Variants in SEMA5A observed in about 807,000 individuals in gnomAD.
The protein encoded by SEMA5A is semaphorin 5A, also known as semaphorin-5A.
In SEMA5A, 55 loss-of-function variants were observed where a neutral mutation model predicts 135.5. The observed-to-expected ratio is 0.41, with a 90% CI of 0.33 to 0.51. The LOEUF (loss-of-function observed/expected upper bound fraction) is 0.51. Among genes scored for constraint, SEMA5A ranks in the 20% least tolerant of loss-of-function variants. The probability of loss-of-function intolerance (pLI) is 0.37; values close to 1 mark genes in which losing one functional copy is unlikely to be tolerated. For synonymous variants in SEMA5A, 580 were observed against 546.5 expected (o/e 1.06, Z -0.85); for missense variants, 1,290 against 1,419.9 (o/e 0.91, Z 1.47).
At chr5:9,478,379 C>G (rs1759751327) in intron 1 of SEMA5A, among the ~76,000 whole-genome samples, 1 of 152,148 alleles carries the variant, frequency 6.6e-6, no homozygotes, top group Non-Finnish European at 1.5e-5. Context: ...TCTCCAGACC[C>G]CAGAATGGTA....
rs1736587008 is a variant in SEMA5A, at chr5:9,051,722, A to G, written c.2845+151T>C. On this transcript the variant is annotated intron_variant, in intron 20 of 22. Coordinates refer to ENST00000382496, the MANE Select transcript of SEMA5A (RefSeq NM_003966.3). Reference sequence around the variant, plus strand: ...TGTTTAAATCTGCAGTTATCTATAGACCTACGTTTTAAACACCTTGAAACC... The same window carrying G: ...TGTTTAAATCTGCAGTTATCTATAGGCCTACGTTTTAAACACCTTGAAACC... The G allele has an allele frequency of 7.3e-6, 6 of 823,718 alleles. No homozygotes were observed. The Admixed American group carries it at 1.4e-4, about 19-fold the overall frequency. The allele number at this position is 823,718 out of a possible 1,614,324, so 51.0% of individuals were successfully genotyped here. A position where few individuals can be genotyped will look rare whatever the true frequency, so the allele number is the denominator to read the frequency against.
At chr5:9,213,066 G>A (rs998757675) in intron 8 of SEMA5A, among the ~76,000 whole-genome samples, 9 of 152,180 alleles carry the variant, frequency 5.9e-5, no homozygotes, top group African/African-American at 1.4e-4. Flanking sequence ...CTCACAAGGT[G>A]GGAGGAATGA....
At chr5:9,253,394 T>C (rs1226851305) in intron 5 of SEMA5A, among the ~76,000 whole-genome samples, 1 of 152,182 alleles carries the variant, frequency 6.6e-6, no homozygotes, top group Non-Finnish European at 1.5e-5. Context: ...TTAGGATTAT[T>C]GTAGCTGTGA....
chr5:9,409,525 C>T (rs1206467999), intron 2 of SEMA5A, among the ~76,000 whole-genome samples: 2 of 151,822 alleles, frequency 1.3e-5, no homozygotes, highest in East Asian at 2.0e-4. Context: ...ATGCCCCCAG[C>T]CCTGGGCTCC....
At chr5:9,146,337 T>C (rs983852647) in intron 12 of SEMA5A, among the ~76,000 whole-genome samples, 2 of 152,232 alleles carry the variant, frequency 1.3e-5, no homozygotes, top group Non-Finnish European at 2.9e-5. Flanking sequence ...GTGGCATCCA[T>C]ATAATGTTGC....
intron 16 of SEMA5A, among the ~76,000 whole-genome samples, chr5:9,075,843 G>A (rs1329247975): frequency 6.6e-6 from 1 of 152,090 alleles, no homozygotes; most frequent in East Asian, 1.9e-4. Flanking sequence ...CTCAATAGAG[G>A]TACAAAACTG....
At position 9,036,273 on chromosome 5, in the gene SEMA5A, C is replaced by CATA. The variant is rs33956054; in HGVS notation, c.*6623_*6624insTAT. On this transcript the variant is annotated 3_prime_UTR_variant, in exon 23 of 23. Transcript: ENST00000382496. ...CAACAGTCATGGTAAAAGAGAAAAA[C>CATA]AATCAACTTCAGCAGAGATAATACT... 11 of 136,208 alleles carry CATA rather than the reference C, an allele frequency of 8.1e-5. No individual in the cohort carries two copies. Among genetic ancestry groups the CATA allele is most frequent in the African/African-American group, 3.8e-4 (11 of 28,900 alleles). 8.4% of individuals were successfully genotyped at this position (136,208 alleles called of 1,614,324 possible).
At chr5:9,332,662 C>T (rs1234291199) in intron 4 of SEMA5A, among the ~76,000 whole-genome samples, 1 of 152,144 alleles carries the variant, frequency 6.6e-6, no homozygotes, top group Non-Finnish European at 1.5e-5. Context: ...TGGGCTGGTA[C>T]TCACATTACA....
intron 5 of SEMA5A, among the ~76,000 whole-genome samples, chr5:9,254,033 A>C (rs1487289434): frequency 6.6e-6 from 1 of 152,222 alleles, no homozygotes; most frequent in African/African-American, 2.4e-5. Context: ...TAGAAATAGA[A>C]ACATTATCAA....
chr5:9,180,282 C>T (rs1744433002), intron 11 of SEMA5A, among the ~76,000 whole-genome samples: 1 of 152,184 alleles, frequency 6.6e-6, no homozygotes, highest in Admixed American at 6.5e-5. Context: ...TGGGAACACA[C>T]TTTAACCCAC....
intron 1 of SEMA5A, among the ~76,000 whole-genome samples, chr5:9,483,998 G>A (rs1180027381): frequency 1.3e-5 from 2 of 152,156 alleles, no homozygotes; most frequent in African/African-American, 4.8e-5. Flanking sequence ...GGCGCTGGGA[G>A]CTCATTCTAT....
rs1269271352 is a variant in SEMA5A, at chr5:9,499,866, T to C, written c.-175+45718A>G. Reference sequence around the variant, plus strand: ...ACAGAGCACAGAAGTGCTTCCATCATAGAGTAATATAGCAAGAAGAAACCG... The same window carrying C: ...ACAGAGCACAGAAGTGCTTCCATCACAGAGTAATATAGCAAGAAGAAACCG... On this transcript the variant is annotated intron_variant, in intron 1 of 22. Transcript: ENST00000382496. 3.3e-5 allele frequency among the ~76,000 whole-genome samples: 5 copies of C among 151,958 alleles called. No individual in the cohort carries two copies. In the East Asian group the frequency reaches 7.7e-4, roughly 24 times the overall value.
At chr5:9,136,142 G>T (rs754150202) in intron 13 of SEMA5A, among the ~76,000 whole-genome samples, 3 of 152,072 alleles carry the variant, frequency 2.0e-5, no homozygotes, top group Non-Finnish European at 2.9e-5. Context: ...TCTCCCAAAA[G>T]AAATTTGTGG....
intron 9 of SEMA5A, among the ~76,000 whole-genome samples, chr5:9,199,748 A>G (rs1745603883): frequency 6.6e-6 from 1 of 152,248 alleles, no homozygotes; most frequent in South Asian, 2.1e-4. Context: ...TTTACTATCT[A>G]CACTATAAAC....
intron 1 of SEMA5A, among the ~76,000 whole-genome samples, chr5:9,465,503 A>T (rs1481304853): frequency 1.3e-5 from 2 of 152,244 alleles, no homozygotes; most frequent in Non-Finnish European, 2.9e-5. Flanking sequence ...TAATTGGGAT[A>T]AAGAAATTCC....
intron 5 of SEMA5A, among the ~76,000 whole-genome samples, chr5:9,278,078 C>T (rs901342196): frequency 1.1e-4 from 16 of 150,574 alleles, no homozygotes; most frequent in African/African-American, 3.4e-4. Context: ...TAAAATCAGC[C>T]GTATTTACTA....
Position 9,528,455 on chromosome 5 carries a change from G to A in SEMA5A, c.-175+17129C>T, listed in dbSNP as rs114549246. On this transcript the variant is annotated intron_variant, in intron 1 of 22. Transcript: ENST00000382496. ...CTCCCCACCCACAAATTCTTCTGCA[G>A]TGTGCTTTGCCACTTGCCTGTCCAT... 3.1e-3 allele frequency among the ~76,000 whole-genome samples: 478 copies of A among 152,330 alleles called. 4 individuals carry two copies. Among genetic ancestry groups the A allele is most frequent in the African/African-American group, 0.011 (463 of 41,574 alleles).
chr5:9,084,734 ACT>A (rs1285031206), intron 16 of SEMA5A, among the ~76,000 whole-genome samples: 1 of 152,164 alleles, frequency 6.6e-6, no homozygotes, highest in Admixed American at 6.5e-5. Context: ...GCAAATTGAT[ACT>A]GTGAGTGGGA....
intron 12 of SEMA5A, among the ~76,000 whole-genome samples, chr5:9,147,147 A>T (rs1426430930): frequency 6.6e-6 from 1 of 152,138 alleles, no homozygotes; most frequent in Non-Finnish European, 1.5e-5. Context: ...AGCAATAAAC[A>T]TCCTGTAGTA....
Sources: gnomAD v4.1 joint callset for allele counts (sites outside exome capture counted in the v4.1 genomes callset) on GRCh38, gnomAD v4.1.1 for gene constraint, MANE v1.5 for transcripts, NCBI Gene and HGNC (gene_info 2026-07-23, HGNC 2026-07-21) for gene names.